KCND3: variants seen among roughly 807,000 people sequenced by gnomAD.
KCND3 encodes A-type voltage-gated potassium channel KCND3.
KCND3 carries 9 observed loss-of-function variants against 51.1 expected under a neutral mutation model. The ratio of observed to expected loss-of-function variants is 0.18; its 90% CI spans 0.11 to 0.31. The LOEUF is 0.31. Ranked by LOEUF, KCND3 falls within the 10% of genes least tolerant of loss-of-function variation. The pLI is 1.00. For synonymous variants in KCND3, 349 were observed against 368.0 expected, an observed-to-expected ratio of 0.95 and a Z score of 0.59; for missense variants, 526 against 903.8, an observed-to-expected ratio of 0.58 and a Z score of 5.36.
intron 2 of KCND3, among the ~76,000 whole-genome samples, chr1:111,979,259 C>A (rs1674810943): frequency 6.6e-6 from 1 of 152,182 alleles, no homozygotes; most frequent in East Asian, 1.9e-4. Context: ...CAAGATACTC[C>A]ACTTTGATGC....
At chr1:111,830,089 T>G (rs924602833) in intron 2 of KCND3, among the ~76,000 whole-genome samples, 2 of 152,238 alleles carry the variant, frequency 1.3e-5, no homozygotes, top group African/African-American at 2.4e-5. Context: ...TCTATAGATC[T>G]ATATTCATTT....
At chr1:111,888,894 A>G (rs1345895466) in intron 2 of KCND3, among the ~76,000 whole-genome samples, 1 of 151,844 alleles carries the variant, frequency 6.6e-6, no homozygotes, top group East Asian at 1.9e-4. Flanking sequence ...AGAGGAGAGG[A>G]AGGAAGCCCC....
intron 2 of KCND3, among the ~76,000 whole-genome samples, chr1:111,908,337 A>G (rs986033242): frequency 3.3e-5 from 5 of 152,246 alleles, no homozygotes; most frequent in Non-Finnish European, 7.3e-5. Flanking sequence ...CTTCAGTTGC[A>G]CAGTAAAAAT....
intron 2 of KCND3, among the ~76,000 whole-genome samples, chr1:111,906,582 T>G (rs1218216228): frequency 6.6e-6 from 1 of 152,222 alleles, no homozygotes; most frequent in Non-Finnish European, 1.5e-5. Context: ...AATAAGCAAC[T>G]TGATTTTTAA....
At chr1:111,793,467 G>A (rs1294365173) in intron 2 of KCND3, among the ~76,000 whole-genome samples, 2 of 148,922 alleles carry the variant, frequency 1.3e-5, no homozygotes, top group African/African-American at 4.9e-5. Context: ...GTGAGCCACC[G>A]CGCCCGGCCA....
intron 2 of KCND3, among the ~76,000 whole-genome samples, chr1:111,810,683 A>G (rs1456679689): frequency 2.0e-5 from 3 of 152,214 alleles, no homozygotes; most frequent in Non-Finnish European, 4.4e-5. Context: ...GAACGGAGTA[A>G]CCTCCAGGAC....
intron 2 of KCND3, among the ~76,000 whole-genome samples, chr1:111,885,634 TGTG>T (rs1669534709): frequency 6.6e-6 from 1 of 151,842 alleles, no homozygotes; most frequent in African/African-American, 2.4e-5. Flanking sequence ...GAGAAACAAG[TGTG>T]GTACGGGAAC....
chr1:111,880,011 T>C (rs964212658), intron 2 of KCND3, among the ~76,000 whole-genome samples: 1 of 152,108 alleles, frequency 6.6e-6, no homozygotes, highest in Admixed American at 6.5e-5. Context: ...ACTACCCTCC[T>C]AGGGTTGCTG....
intron 2 of KCND3, among the ~76,000 whole-genome samples, chr1:111,850,787 G>T (rs533897038): frequency 6.8e-6 from 1 of 146,214 alleles, no homozygotes; most frequent in South Asian, 2.2e-4. Context: ...CATTGTTGGC[G>T]GCAGAAAAAG....
At chr1:111,973,598 G>C (rs959650657) in intron 2 of KCND3, among the ~76,000 whole-genome samples, 6 of 152,188 alleles carry the variant, frequency 3.9e-5, no homozygotes, top group African/African-American at 1.4e-4. Flanking sequence ...TAATGTAGGG[G>C]GGAAGTTCCC....
chr1:111,898,551 G>A (rs902391466), intron 2 of KCND3, among the ~76,000 whole-genome samples: 1 of 152,202 alleles, frequency 6.6e-6, no homozygotes, highest in African/African-American at 2.4e-5. Context: ...CCTGGGGTCT[G>A]GCACAAGGAG....
intron 2 of KCND3, among the ~76,000 whole-genome samples, chr1:111,905,783 G>A (rs1023776556): frequency 2.0e-5 from 3 of 152,170 alleles, no homozygotes; most frequent in East Asian, 1.9e-4. Context: ...GAACAGTAAT[G>A]CCTGGGCCCC....
At chr1:111,819,944 C>T (rs986496026) in intron 2 of KCND3, among the ~76,000 whole-genome samples, 1 of 152,216 alleles carries the variant, frequency 6.6e-6, no homozygotes, top group Admixed American at 6.5e-5. Flanking sequence ...CCTGATCCCT[C>T]CCTGCCCCGG....
intron 2 of KCND3, among the ~76,000 whole-genome samples, chr1:111,953,890 C>T (rs888392353): frequency 1.3e-5 from 2 of 152,168 alleles, no homozygotes; most frequent in Non-Finnish European, 2.9e-5. Context: ...GGGCGTTTTC[C>T]CTCCTGCTCC....
At chr1:111,965,448 AC>A (rs1557752812) in intron 2 of KCND3, among the ~76,000 whole-genome samples, 203 of 135,624 alleles carry the variant, frequency 1.5e-3, no homozygotes, top group Non-Finnish European at 2.0e-3. Flanking sequence ...CCACACACAC[AC>A]ACACACACAC....
intron 2 of KCND3, among the ~76,000 whole-genome samples, chr1:111,970,146 A>C (rs1231521434): frequency 6.6e-6 from 1 of 151,928 alleles, no homozygotes; most frequent in African/African-American, 2.4e-5. Flanking sequence ...CCTGCTGAGT[A>C]GCTGGGATTA....
chr1:111,947,666 G>T (rs942040642), intron 2 of KCND3, among the ~76,000 whole-genome samples: 2 of 152,164 alleles, frequency 1.3e-5, no homozygotes, highest in Non-Finnish European at 2.9e-5. Flanking sequence ...AAACAAGAAG[G>T]CATTTTCATT....
chr1:111,965,251 C>T (rs11102364), intron 2 of KCND3, among the ~76,000 whole-genome samples: 26,902 of 151,832 alleles, frequency 0.18, 2,546 homozygotes, highest in East Asian at 0.3. Flanking sequence ...CCAGAAGATC[C>T]AGCTCTGGAT....
In KCND3 at chr1:111,770,732, T is replaced by A. The variant is rs1381231733; in HGVS notation, c.*5345A>T. ...ATCAGGTACAGCAGTGGCACACGAC[T>A]CAATACTGTAAATGATATACATGTT... On this transcript the variant is annotated 3_prime_UTR_variant, in exon 8 of 8. Coordinates refer to ENST00000302127, the MANE Select transcript of KCND3 (RefSeq NM_001378969.1). The A allele has an allele frequency of 6.6e-6, 1 of 152,150 alleles. No individual in the cohort carries two copies. The highest frequency in any genetic ancestry group is 1.5e-5 in the Non-Finnish European group (1 of 68,028). The allele number at this position is 152,150 out of a possible 1,614,324, so 9.4% of individuals were successfully genotyped here.
Sources: allele counts gnomAD v4.1 joint callset (sites outside exome capture counted in the v4.1 genomes callset), GRCh38; gene constraint gnomAD v4.1.1; transcripts MANE v1.5; gene names NCBI Gene and HGNC (gene_info 2026-07-23, HGNC 2026-07-21).